The following TM9SF3 variants were observed in gnomAD, a reference collection of about 807,000 sequenced individuals.
TM9SF3 encodes SM-11044-binding protein.
A neutral mutation model predicts 78.6 loss-of-function variants in TM9SF3; 14 were observed. The observed-to-expected ratio is 0.18, with a 90% confidence interval of 0.12 to 0.28. The LOEUF is 0.28. Among genes scored for constraint, TM9SF3 ranks in the 10% least tolerant of loss-of-function variants. The probability of loss-of-function intolerance (pLI) is 1.00; values close to 1 mark genes in which losing one functional copy is unlikely to be tolerated. For missense variants in TM9SF3, 496 were observed against 721.9 expected, an observed-to-expected ratio of 0.69 and a Z score of 3.59; for synonymous variants, 231 against 241.7, an observed-to-expected ratio of 0.96 and a Z score of 0.41.
At chr10:96,548,141 T>C (rs527953842) in intron 7 of TM9SF3, 152 bp from the exon 8 acceptor site, 23 of 541,680 alleles carry the variant, frequency 4.2e-5, no homozygotes, top group African/African-American at 3.1e-4. Context: ...CTCAAAAGAT[T>C]CTCTATAGTG....
At chr10:96,559,312 A>C (rs950064177) in intron 5 of TM9SF3, among the ~76,000 whole-genome samples, 1 of 152,242 alleles carries the variant, frequency 6.6e-6, no homozygotes, top group Non-Finnish European at 1.5e-5. Context: ...GATAGATATA[A>C]GCCACATTCT....
intron 2 of TM9SF3, 71 bp from the exon 3 acceptor site, chr10:96,565,497 A>C: frequency 6.8e-7 from 1 of 1,473,936 alleles, no homozygotes; most frequent in Non-Finnish European, 8.9e-7. Context: ...AAAAAAGACA[A>C]GAAAAAAGCC....
At chr10:96,547,353 A>G (rs1183533378) in intron 8 of TM9SF3, among the ~76,000 whole-genome samples, 2 of 152,212 alleles carry the variant, frequency 1.3e-5, no homozygotes, top group East Asian at 3.8e-4. Context: ...AATAGTATCA[A>G]TAACTTAAAT....
intron 9 of TM9SF3, among the ~76,000 whole-genome samples, chr10:96,539,118 T>C (rs1179064404): frequency 6.6e-6 from 1 of 152,192 alleles, no homozygotes; most frequent in Non-Finnish European, 1.5e-5. Context: ...AATGGATAAA[T>C]TATGGTATAA....
intron 1 of TM9SF3, among the ~76,000 whole-genome samples, chr10:96,582,635 T>G (rs896373803): frequency 7.9e-5 from 12 of 152,230 alleles, no homozygotes; most frequent in Non-Finnish European, 2.9e-5. Flanking sequence ...AACATGTCTG[T>G]AATGCATATG....
rs186778672 is a variant in TM9SF3 at position 96,564,197 on chromosome 10, G to A, written c.421+1107C>T. ...GTCCCAGCTGCTCAGGAGACCAAGGGAGAAGGATCACTTAAGCCCAGGAGT... is the reference window on the plus strand; with the variant it reads ...GTCCCAGCTGCTCAGGAGACCAAGGAAGAAGGATCACTTAAGCCCAGGAGT... On this transcript the variant is annotated intron_variant, in intron 3 of 14. Coordinates refer to ENST00000371142, the MANE Select transcript of TM9SF3 (RefSeq NM_020123.4). 2.6e-5 allele frequency among the ~76,000 whole-genome samples: 4 copies of A among 151,914 alleles called. No homozygotes were observed. The East Asian group carries it at 5.8e-4, about 22-fold the overall frequency.
At chr10:96,581,408 T>C (rs1005660683) in intron 1 of TM9SF3, among the ~76,000 whole-genome samples, 12 of 152,218 alleles carry the variant, frequency 7.9e-5, no homozygotes, top group African/African-American at 2.9e-4. Flanking sequence ...GGGAAAAATA[T>C]ATGTGTTTAC....
chr10:96,565,561 A>T, intron 2 of TM9SF3, 135 bp from the exon 3 acceptor site: 2 of 1,001,992 alleles, frequency 2.0e-6, no homozygotes, highest in Non-Finnish European at 1.4e-6. Context: ...TGAGTGATAA[A>T]TAAGTGTGGG....
At chr10:96,564,517 T>G (rs146795823) in intron 3 of TM9SF3, among the ~76,000 whole-genome samples, 1,963 of 152,332 alleles carry the variant, frequency 0.013, 31 homozygotes, top group Non-Finnish European at 0.016. Flanking sequence ...TATAATTATC[T>G]CTTGATATTA....
At chr10:96,563,608 C>A (rs1463922979) in intron 3 of TM9SF3, among the ~76,000 whole-genome samples, 2 of 151,932 alleles carry the variant, frequency 1.3e-5, no homozygotes, top group East Asian at 1.9e-4. Context: ...GAACTCCTGG[C>A]CCCAAGTGAT....
chr10:96,579,332 G>A (rs1453394931), intron 1 of TM9SF3, among the ~76,000 whole-genome samples: 1 of 152,174 alleles, frequency 6.6e-6, no homozygotes, highest in East Asian at 1.9e-4. Flanking sequence ...TAACCCTGCT[G>A]AGTCTGCAGA....
rs367755441 is a variant in TM9SF3 at position 96,585,264 on chromosome 10, G to A, written c.102+1470C>T. Among the ~76,000 whole-genome samples, 11 of 152,024 alleles carry A rather than the reference G, an allele frequency of 7.2e-5. No homozygotes were observed. The East Asian group carries it at 9.6e-4, about 13-fold the overall frequency. On this transcript the variant is annotated intron_variant, in intron 1 of 14. Transcript: ENST00000371142. ...TGTTTTTTTAATTGGAAATATATTA[G>A]TAATAATATCATTAAACAGAAGGAT...
chr10:96,562,217 T>G (rs1403254766), intron 3 of TM9SF3, 79 bp from the exon 4 acceptor site: 7 of 178,350 alleles, frequency 3.9e-5, no homozygotes, highest in South Asian at 1.1e-4. Flanking sequence ...GCTCATTAAG[T>G]TTTTTTTTTT....
chr10:96,532,335 G>T (rs554705322), intron 10 of TM9SF3, among the ~76,000 whole-genome samples: 6 of 152,112 alleles, frequency 3.9e-5, no homozygotes, highest in African/African-American at 1.2e-4. Context: ...AACTATAGGG[G>T]CTATTTTATT....
rs188446932 is a variant in TM9SF3 at position 96,540,880 on chromosome 10, C to A, written c.1185+3196G>T. On this transcript the variant is annotated intron_variant, in intron 9 of 14. Coordinates refer to ENST00000371142, the MANE Select transcript of TM9SF3 (RefSeq NM_020123.4). ...GCAACCTCTGCCTCCCGGGTTCAAG[C>A]GATTCTCCTGCCTCAGCCTCCCGAG... Among the ~76,000 whole-genome samples, 1,021 of 142,374 alleles carry A rather than the reference C, an allele frequency of 7.2e-3. 15 individuals carry two copies. Among genetic ancestry groups the A allele is most frequent in the African/African-American group, 0.026 (963 of 37,620 alleles). The allele number at this position is 142,374 out of a possible 152,430, so 93.4% of individuals were successfully genotyped here.
At chr10:96,572,693 ATT>A (rs1169730848) in intron 2 of TM9SF3, among the ~76,000 whole-genome samples, 1 of 150,970 alleles carries the variant, frequency 6.6e-6, no homozygotes, top group African/African-American at 2.4e-5. Flanking sequence ...TGCCCGGCGA[ATT>A]TTTTTTGTAT....
At chr10:96,578,299 G>C (rs758341377) in intron 1 of TM9SF3, among the ~76,000 whole-genome samples, 1 of 152,150 alleles carries the variant, frequency 6.6e-6, no homozygotes, top group Admixed American at 6.5e-5. Context: ...GAATATAAAA[G>C]TAAGTAAAAT....
chr10:96,553,092 T>G (rs751981594), intron 5 of TM9SF3, 33 bp from the exon 6 acceptor site: 1 of 1,549,942 alleles, frequency 6.5e-7, no homozygotes. Context: ...GTTACCAACC[T>G]GCAATATCAG....
At chr10:96,565,640 T>C (rs1848359229) in intron 2 of TM9SF3, among the ~76,000 whole-genome samples, 2 of 152,120 alleles carry the variant, frequency 1.3e-5, no homozygotes, top group African/African-American at 2.4e-5. Context: ...ATTTTAATCA[T>C]CTTTATTTTC....
Sources: allele counts gnomAD v4.1 joint callset (sites outside exome capture counted in the v4.1 genomes callset), GRCh38; gene constraint gnomAD v4.1.1; transcripts MANE v1.5; gene names NCBI Gene and HGNC (gene_info 2026-07-23, HGNC 2026-07-21).